The following RBPMS2 variants were observed in gnomAD, a reference collection of about 807,000 sequenced individuals.
RBPMS2 encodes the protein RNA-binding protein with multiple splicing 2.
In RBPMS2, 14 loss-of-function variants were observed where a neutral mutation model predicts 25.7. That is an observed-to-expected ratio of 0.55 (90% CI 0.36 to 0.85). RBPMS2 has a LOEUF of 0.85. Among genes scored for constraint, RBPMS2 ranks in the 40% least tolerant of loss-of-function variants. The probability of loss-of-function intolerance (pLI) is 0.01; values close to 1 mark genes in which losing one functional copy is unlikely to be tolerated. For synonymous variants in RBPMS2, 127 were observed against 115.6 expected, an observed-to-expected ratio of 1.10 and a Z score of -0.63; for missense variants, 252 against 283.4, an observed-to-expected ratio of 0.89 and a Z score of 0.80.
rs1567064931 is a variant in RBPMS2, at chr15:64,750,399, T to A, written c.166-18A>T. On this transcript the variant is annotated intron_variant, in intron 2 of 7. Transcript: ENST00000300069. ...TCATACCCCTGCGGAGAGAGGTGGC[T>A]GTTACCGTGGAAGGTCAGAAGCGTA... 6.2e-7 allele frequency: 1 copy of A among 1,612,566 alleles called. No individual in the cohort carries two copies. Among genetic ancestry groups the A allele is most frequent in the Non-Finnish European group, 8.5e-7 (1 of 1,178,602 alleles).
In RBPMS2 at chr15:64,750,438, C is replaced by T. The variant is rs1157216210; in HGVS notation, c.166-57G>A. On this transcript the variant is annotated intron_variant, in intron 2 of 7. Transcript: ENST00000300069. The stretch of plus-strand genomic sequence containing the variant: ...GTCAGAAGCGTATGTTGTGCTAGCC[C>T]AGCGCTGCCACCTCATCAGCCCCCG... 11 of 1,464,172 alleles carry T rather than the reference C, an allele frequency of 7.5e-6. No individual in the cohort carries two copies. In the African/African-American group the frequency reaches 1.1e-4, roughly 15 times the overall value. The allele number at this position is 1,464,172 out of a possible 1,614,324, so 90.7% of individuals were successfully genotyped here.
intron 1 of RBPMS2, among the ~76,000 whole-genome samples, chr15:64,771,686 G>A (rs1265774999): frequency 7.3e-5 from 11 of 150,304 alleles, no homozygotes; most frequent in African/African-American, 4.9e-5. Context: ...AAGGCTGGGC[G>A]CCGTGGCTCA....
At chr15:64,746,185 G>A (rs1199192345) in intron 6 of RBPMS2, among the ~76,000 whole-genome samples, 7 of 152,170 alleles carry the variant, frequency 4.6e-5, no homozygotes, top group Non-Finnish European at 8.8e-5. Flanking sequence ...TGAGTAGCAA[G>A]GACAGAACTA....
At chr15:64,760,786 G>C (rs920819267) in intron 1 of RBPMS2, among the ~76,000 whole-genome samples, 4 of 150,986 alleles carry the variant, frequency 2.6e-5, no homozygotes, top group African/African-American at 9.7e-5. Flanking sequence ...TGGGCAAAAA[G>C]AGTGAAACTC....
At chr15:64,770,580 T>C (rs912447597) in intron 1 of RBPMS2, among the ~76,000 whole-genome samples, 2 of 152,096 alleles carry the variant, frequency 1.3e-5, no homozygotes, top group South Asian at 2.1e-4. Context: ...CTCCTACTGC[T>C]ATATGCCTGG....
chr15:64,746,221 C>T (rs1012770312), intron 6 of RBPMS2, among the ~76,000 whole-genome samples: 1 of 152,090 alleles, frequency 6.6e-6, no homozygotes, highest in African/African-American at 2.4e-5. Context: ...AATCTCTTCC[C>T]ATTAGCCTGC....
chr15:64,770,011 T>C (rs1230933808), intron 1 of RBPMS2, among the ~76,000 whole-genome samples: 3 of 151,994 alleles, frequency 2.0e-5, no homozygotes, highest in African/African-American at 7.3e-5. Flanking sequence ...AAACCCCGTC[T>C]CTGCTAAAAA....
At position 64,766,692 on chromosome 15, in the gene RBPMS2, A is replaced by AT. The variant is rs907646370; in HGVS notation, c.87+8540dup. Reference sequence around the variant, plus strand: ...AGGCGCCTGCCACCACACCCGGCTAATTTTTTTTTTGTATTTTTAGTAGAG... The same window carrying AT: ...AGGCGCCTGCCACCACACCCGGCTAATTTTTTTTTTTGTATTTTTAGTAGAG... On this transcript the variant is annotated intron_variant, in intron 1 of 7. Transcript: ENST00000300069. Among the ~76,000 whole-genome samples the AT allele has an allele frequency of 2.0e-4, 30 of 148,654 alleles. 1 individual carries two copies. Among genetic ancestry groups the AT allele is most frequent in the Admixed American group, 8.7e-4 (13 of 14,896 alleles).
At chr15:64,749,550 C>T in intron 3 of RBPMS2, 57 bp from the exon 4 acceptor site, 2 of 1,398,654 alleles carry the variant, frequency 1.4e-6, no homozygotes, top group Admixed American at 1.9e-5. Context: ...ACCTCTCCCT[C>T]CAAAATAACA....
rs761947222 is a variant in RBPMS2, at chr15:64,748,577, G to T, written c.419-10C>A. 11 of 1,530,206 alleles carry T rather than the reference G, an allele frequency of 7.2e-6. No individual in the cohort carries two copies. Among genetic ancestry groups the T allele is most frequent in the African/African-American group, 2.8e-5 (2 of 71,606 alleles). 94.8% of individuals were successfully genotyped at this position (1,530,206 alleles called of 1,614,324 possible). ...GCCCCCATCAGGTCATCTACAACAGGAGACAATGGCCTCCATCATCAGAAC... is the reference window on the plus strand; with the variant it reads ...GCCCCCATCAGGTCATCTACAACAGTAGACAATGGCCTCCATCATCAGAAC... On this transcript the variant is annotated splice_polypyrimidine_tract_variant and intron_variant, in intron 5 of 7. Coordinates refer to ENST00000300069, the MANE Select transcript of RBPMS2 (RefSeq NM_194272.3).
At chr15:64,752,334 G>A (rs1233306702) in intron 1 of RBPMS2, among the ~76,000 whole-genome samples, 2 of 152,038 alleles carry the variant, frequency 1.3e-5, no homozygotes, top group South Asian at 2.1e-4. Context: ...GAGGGGAGGA[G>A]CAAAGATGTA....
Position 64,768,964 on chromosome 15 carries a change from G to A in RBPMS2, c.87+6269C>T, listed in dbSNP as rs147365340. Among the ~76,000 whole-genome samples the A allele has an allele frequency of 6.0e-3, 903 of 151,222 alleles. 12 individuals carry two copies. Among genetic ancestry groups the A allele is most frequent in the African/African-American group, 0.021 (864 of 41,164 alleles). ...AAATACAAAAAAATTAGCCGGGCATGGTGGCGGGCACCTGTAGTCCCAGCT... is the reference window on the plus strand; with the variant it reads ...AAATACAAAAAAATTAGCCGGGCATAGTGGCGGGCACCTGTAGTCCCAGCT... On this transcript the variant is annotated intron_variant, in intron 1 of 7. Coordinates refer to ENST00000300069, the MANE Select transcript of RBPMS2 (RefSeq NM_194272.3).
rs2083543657 is a variant in RBPMS2 at position 64,739,922 on chromosome 15, T to TGA, written c.*1085_*1086insTC. 2 of 152,716 alleles carry TGA rather than the reference T, an allele frequency of 1.3e-5. No individual in the cohort carries two copies. Among genetic ancestry groups the TGA allele is most frequent in the South Asian group, 2.1e-4 (1 of 4,826 alleles). 9.5% of individuals were successfully genotyped at this position (152,716 alleles called of 1,614,324 possible). ...TGGTTTTGTTTTATTTTGCATTTCA[T>TGA]ATATTATCCAGTTTCACATTCTCAC... On this transcript the variant is annotated 3_prime_UTR_variant, in exon 8 of 8. Coordinates refer to ENST00000300069, the MANE Select transcript of RBPMS2 (RefSeq NM_194272.3).
chr15:64,773,965 T>C (rs2083909696), intron 1 of RBPMS2, among the ~76,000 whole-genome samples: 1 of 152,248 alleles, frequency 6.6e-6, no homozygotes, highest in Non-Finnish European at 1.5e-5. Context: ...AGTGGACAGA[T>C]GTCACAGTTG....
intron 7 of RBPMS2, 24 bp from the exon 8 acceptor site, chr15:64,741,024 CG>C: frequency 1.7e-6 from 1 of 593,448 alleles, no homozygotes. Context: ...GAGAGGCGGC[CG>C]TGAGCAGAGG....
intron 1 of RBPMS2, among the ~76,000 whole-genome samples, chr15:64,755,633 G>T (rs1156548248): frequency 6.6e-6 from 1 of 152,114 alleles, no homozygotes; most frequent in African/African-American, 2.4e-5. Context: ...CAGCGTCATG[G>T]GTGGGTAAGT....
Position 64,775,339 on chromosome 15 carries a change from C to T in RBPMS2, c.-20G>A. ...GCTCATGGTGCGGGGGAGGGGGCGG[C>T]GGGAAGGAACGCGAGGGCGAGCGCG... is the stretch of plus-strand genomic sequence containing the variant. On this transcript the variant is annotated 5_prime_UTR_variant, in exon 1 of 8. Transcript: ENST00000300069. 2.4e-6 allele frequency: 3 copies of T among 1,240,518 alleles called. No individual in the cohort carries two copies. The highest frequency in any genetic ancestry group is 2.5e-5 in the South Asian group (1 of 39,300). The allele number at this position is 1,240,518 out of a possible 1,614,324, so 76.8% of individuals were successfully genotyped here.
chr15:64,775,321 G>C lies in RBPMS2; in HGVS notation c.-2C>G. On this transcript the variant is annotated 5_prime_UTR_variant, in exon 1 of 8. Coordinates refer to ENST00000300069, the MANE Select transcript of RBPMS2 (RefSeq NM_194272.3). ...GCCGTCCGGCTTCAGGTTGCTCATG[G>C]TGCGGGGGAGGGGGCGGCGGGAAGG... 7.7e-7 allele frequency: 1 copy of C among 1,303,362 alleles called. No individual in the cohort carries two copies. Among genetic ancestry groups the C allele is most frequent in the East Asian group, 3.3e-5 (1 of 30,038 alleles). The allele number at this position is 1,303,362 out of a possible 1,614,324, so 80.7% of individuals were successfully genotyped here. A position where few individuals can be genotyped will look rare whatever the true frequency, so the allele number is the denominator to read the frequency against.
At chr15:64,748,905 A>C in intron 5 of RBPMS2, 95 bp downstream of exon 5, 1 of 1,435,324 alleles carries the variant, frequency 7.0e-7, no homozygotes, top group Non-Finnish European at 9.5e-7. Flanking sequence ...TGGACACAAA[A>C]AGCCTCCTGG....
Sources: allele counts gnomAD v4.1 joint callset (sites outside exome capture counted in the v4.1 genomes callset), GRCh38; gene constraint gnomAD v4.1.1; transcripts MANE v1.5; gene names NCBI Gene and HGNC (gene_info 2026-07-23, HGNC 2026-07-21).